The following SEMA3E variants were observed in gnomAD, a reference collection of about 807,000 sequenced individuals.
The protein encoded by SEMA3E is semaphorin 3E.
Under a neutral mutation model 93.6 loss-of-function variants are expected in SEMA3E, and 49 were observed. The observed-to-expected ratio is 0.52, with a 90% CI of 0.42 to 0.66. The LOEUF (loss-of-function observed/expected upper bound fraction) is 0.66. Among genes scored for constraint, SEMA3E ranks in the 30% least tolerant of loss-of-function variants. SEMA3E has a pLI of 0.00. For missense variants in SEMA3E, 906 were observed against 964.8 expected (o/e 0.94, Z 0.81); for synonymous variants, 363 against 330.7 (o/e 1.10, Z -1.06).
intron 1 of SEMA3E, among the ~76,000 whole-genome samples, chr7:83,509,550 C>CAAA (rs967724096): frequency 4.6e-5 from 7 of 151,930 alleles, no homozygotes; most frequent in African/African-American, 1.7e-4. Flanking sequence ...CAAAACAAAA[C>CAAA]AAAAACAAAC....
At chr7:83,617,689 T>C (rs1227268124) in intron 1 of SEMA3E, among the ~76,000 whole-genome samples, 1 of 149,110 alleles carries the variant, frequency 6.7e-6, no homozygotes, top group Admixed American at 6.8e-5. Context: ...AGTCATTTTA[T>C]GAAGGAGGAA....
chr7:83,374,638 G>A (rs867487212), intron 16 of SEMA3E, among the ~76,000 whole-genome samples: 34 of 152,184 alleles, frequency 2.2e-4, no homozygotes, highest in African/African-American at 7.9e-4. Flanking sequence ...GGGATAAACT[G>A]TAAAAACATA....
chr7:83,591,106 C>CA (rs202162169), intron 1 of SEMA3E, among the ~76,000 whole-genome samples: 31,320 of 114,308 alleles, frequency 0.27, 3,912 homozygotes, highest in East Asian at 0.42. Context: ...GAGTTATTTG[C>CA]AAAAAAAAAA....
intron 4 of SEMA3E, among the ~76,000 whole-genome samples, chr7:83,422,464 C>G (rs907146376): frequency 6.6e-6 from 1 of 152,070 alleles, no homozygotes; most frequent in African/African-American, 2.4e-5. Flanking sequence ...CCAAAATTTG[C>G]AAAACAGACC....
At position 83,363,632 on chromosome 7, in the gene SEMA3E, G is replaced by A. The variant is rs973671033; in HGVS notation, c.*3954C>T. 6.6e-6 allele frequency: 1 copy of A among 152,012 alleles called. No individual in the cohort carries two copies. Among genetic ancestry groups the A allele is most frequent in the Non-Finnish European group, 1.5e-5 (1 of 68,020 alleles). 9.4% of individuals were successfully genotyped at this position (152,012 alleles called of 1,614,324 possible). On this transcript the variant is annotated 3_prime_UTR_variant, in exon 17 of 17. Transcript: ENST00000643230. ...AAATAACACTGCTACAATCAGCTGA[G>A]TGTTTGTGGAAAATCTATTATTTAT... is the stretch of plus-strand genomic sequence containing the variant.
intron 1 of SEMA3E, among the ~76,000 whole-genome samples, chr7:83,568,964 C>T (rs1792218664): frequency 6.6e-6 from 1 of 151,922 alleles, no homozygotes; most frequent in African/African-American, 2.4e-5. Flanking sequence ...TTGATATGAT[C>T]TTATATCTAG....
At chr7:83,476,956 A>G (rs550012987) in intron 2 of SEMA3E, among the ~76,000 whole-genome samples, 6 of 152,308 alleles carry the variant, frequency 3.9e-5, no homozygotes, top group Non-Finnish European at 5.9e-5. Context: ...GCCATTTACT[A>G]TTCTTGCATA....
chr7:83,506,543 T>C (rs925658818), intron 1 of SEMA3E, among the ~76,000 whole-genome samples: 4 of 152,020 alleles, frequency 2.6e-5, no homozygotes, highest in African/African-American at 9.7e-5. Context: ...AGATCTAGTA[T>C]TTGATAGCAC....
At chr7:83,473,209 T>C (rs1482498974) in intron 2 of SEMA3E, among the ~76,000 whole-genome samples, 1 of 152,164 alleles carries the variant, frequency 6.6e-6, no homozygotes, top group East Asian at 1.9e-4. Context: ...CCTCTCAAGA[T>C]ATCATTAACA....
At chr7:83,617,370 A>G (rs879434628) in intron 1 of SEMA3E, among the ~76,000 whole-genome samples, 2 of 149,128 alleles carry the variant, frequency 1.3e-5, no homozygotes, top group Non-Finnish European at 3.0e-5. Flanking sequence ...GTCACAGAGT[A>G]TGAAAGGTTT....
At position 83,373,285 on chromosome 7, in the gene SEMA3E, G is replaced by A. The variant is rs963774942; in HGVS notation, c.1876-5247C>T. The stretch of plus-strand genomic sequence containing the variant: ...CAGACATAGGCCTTGAATTGATTTA[G>A]TTGAGAATACATTTAATAATAAAAT... On this transcript the variant is annotated intron_variant, in intron 16 of 16. Coordinates refer to ENST00000643230, the MANE Select transcript of SEMA3E (RefSeq NM_012431.3). 4.6e-4 allele frequency among the ~76,000 whole-genome samples: 70 copies of A among 152,058 alleles called. 1 individual carries two copies. The highest frequency in any genetic ancestry group is 1.7e-3 in the African/African-American group (69 of 41,420).
In SEMA3E at chr7:83,479,039, A is replaced by T. The variant is rs551958585; in HGVS notation, c.277-9737T>A. Among the ~76,000 whole-genome samples the T allele has an allele frequency of 3.3e-4, 51 of 152,332 alleles. No individual in the cohort carries two copies. In the South Asian group the frequency reaches 0.01, roughly 30 times the overall value. ...CACCAGTGACTCCTGCATTGCCTAGAAGATTCCGTTTCAACAGCATTGCAG... is the reference window on the plus strand; with the variant it reads ...CACCAGTGACTCCTGCATTGCCTAGTAGATTCCGTTTCAACAGCATTGCAG... On this transcript the variant is annotated intron_variant, in intron 2 of 16. Transcript: ENST00000643230.
At position 83,488,669 on chromosome 7, in the gene SEMA3E, A is replaced by G. The variant is rs549777895; in HGVS notation, c.276+1445T>C. On this transcript the variant is annotated intron_variant, in intron 2 of 16. Transcript: ENST00000643230. ...AGCTAGGAGAGGATATGCTTCCGCA[A>G]CATGGCAGACTATAGGTGGTGGGCC... Among the ~76,000 whole-genome samples the G allele has an allele frequency of 8.0e-4, 122 of 152,258 alleles. No individual in the cohort carries two copies. In the South Asian group the frequency reaches 9.5e-3, roughly 12 times the overall value.
chr7:83,382,562 T>G (rs1787797638), intron 16 of SEMA3E, among the ~76,000 whole-genome samples: 1 of 151,948 alleles, frequency 6.6e-6, no homozygotes, highest in African/African-American at 2.4e-5. Context: ...GCCTCAGTTA[T>G]CAATTCTGTT....
chr7:83,612,884 C>T (rs976220796), intron 1 of SEMA3E, among the ~76,000 whole-genome samples: 2 of 151,822 alleles, frequency 1.3e-5, no homozygotes, highest in African/African-American at 4.8e-5. Context: ...AACCTGTATA[C>T]CATTAGAAAA....
chr7:83,439,222 C>T (rs913410955), intron 4 of SEMA3E, among the ~76,000 whole-genome samples: 1 of 152,098 alleles, frequency 6.6e-6, no homozygotes, highest in Non-Finnish European at 1.5e-5. Flanking sequence ...CATACTTGAT[C>T]ACAAAGGATC....
At chr7:83,564,461 C>T (rs1021975161) in intron 1 of SEMA3E, among the ~76,000 whole-genome samples, 2 of 151,976 alleles carry the variant, frequency 1.3e-5, no homozygotes, top group Non-Finnish European at 2.9e-5. Flanking sequence ...TCCTTGAATG[C>T]CATGGCCAAG....
In SEMA3E at chr7:83,495,756, AAAATATCATTTT is replaced by A. The variant is rs1285867380; in HGVS notation, c.116-5494_116-5483del. On this transcript the variant is annotated intron_variant, in intron 1 of 16. Coordinates refer to ENST00000643230, the MANE Select transcript of SEMA3E (RefSeq NM_012431.3). ...ATTAAATGTTCAAAGGAATGAGGAT[AAAATATCATTTT>A]AAGAGGTATTTTTAAAAATTACAAT... Among the ~76,000 whole-genome samples, 22 of 152,140 alleles carry A rather than the reference AAAATATCATTTT, an allele frequency of 1.4e-4. No homozygotes were observed. In the East Asian group the frequency reaches 4.0e-3, roughly 28 times the overall value.
At chr7:83,588,911 C>T (rs551144885) in intron 1 of SEMA3E, among the ~76,000 whole-genome samples, 4 of 152,054 alleles carry the variant, frequency 2.6e-5, no homozygotes, top group African/African-American at 4.8e-5. Context: ...TCCTTAGATG[C>T]CCCCAAGAAA....
Sources: allele counts gnomAD v4.1 joint callset (sites outside exome capture counted in the v4.1 genomes callset), GRCh38; gene constraint gnomAD v4.1.1; transcripts MANE v1.5; gene names NCBI Gene and HGNC (gene_info 2026-07-23, HGNC 2026-07-21).